PHEX: variants seen among roughly 807,000 people sequenced by gnomAD.
PHEX encodes phosphate regulating endopeptidase X-linked.
PHEX carries 16 observed loss-of-function variants against 68.0 expected under a neutral mutation model. The ratio of observed to expected loss-of-function variants is 0.24; its 90% CI spans 0.16 to 0.36. The LOEUF (loss-of-function observed/expected upper bound fraction) is 0.36, where lower values mean the gene tolerates loss of function less well. Among genes scored for constraint, PHEX ranks in the 10% least tolerant of loss-of-function variants. The probability of loss-of-function intolerance (pLI) is 1.00; values close to 1 mark genes in which losing one functional copy is unlikely to be tolerated. For missense variants in PHEX, 480 were observed against 575.5 expected (o/e 0.83, Z 1.70); for synonymous variants, 208 against 205.1 (o/e 1.01, Z -0.12).
chrX:22,059,087 G>T (rs946899240), intron 3 of PHEX, among the ~76,000 whole-genome samples: 5 of 111,706 alleles, frequency 4.5e-5, no homozygotes, highest in Non-Finnish European at 9.4e-5. Context: ...TTACAGGTGT[G>T]AGCCAGCGTG....
rs1193911179 is a variant in PHEX, at chrX:22,178,327, T to C, written c.1537T>C (p.Leu513=). Residue 513 remains leucine, a synonymous_variant, in exon 14 of 22, where the codon TTA becomes CTA. Coordinates refer to ENST00000379374, the MANE Select transcript of PHEX (RefSeq NM_000444.6). The part of the protein sequence containing the change: ...FGNVLQTRKY[L]AQSDFFWLRK... ...CAACGTCCTACAAACTCGCAAGTAT[T>C]TAGCACAGTCTGATTTCTTCTGGCT... 5.0e-6 allele frequency: 6 copies of C among 1,203,992 alleles called. No homozygotes were observed. The South Asian group carries it at 1.1e-4, about 21-fold the overall frequency.
intron 11 of PHEX, among the ~76,000 whole-genome samples, chrX:22,117,393 G>C (rs1381691178): frequency 8.9e-6 from 1 of 111,852 alleles, no homozygotes; most frequent in Non-Finnish European, 1.9e-5. Context: ...CTTTATGTTT[G>C]AACCTGAAAG....
chrX:22,055,925 G>A (rs1455224102), intron 3 of PHEX, among the ~76,000 whole-genome samples: 1 of 111,419 alleles, frequency 9.0e-6, no homozygotes, highest in Admixed American at 9.6e-5. Flanking sequence ...TTTGACTCTT[G>A]TCTGCTCTAA....
At chrX:22,137,985 T>C in intron 12 of PHEX, among the ~76,000 whole-genome samples, 1 of 112,495 alleles carries the variant, frequency 8.9e-6, no homozygotes, top group Non-Finnish European at 1.9e-5. Flanking sequence ...CTCATCCCTC[T>C]AGTGCGTGTT....
chrX:22,209,267 C>T (rs1249330696), intron 15 of PHEX, among the ~76,000 whole-genome samples: 3 of 111,128 alleles, frequency 2.7e-5, no homozygotes, highest in South Asian at 7.6e-4. Flanking sequence ...TTCTGCTTTT[C>T]CCTAGCATTT....
chrX:22,077,408 C>T (rs1000308958), intron 4 of PHEX, 68 bp from the exon 5 acceptor site: 1 of 924,509 alleles, frequency 1.1e-6, no homozygotes, highest in Admixed American at 2.2e-5. Flanking sequence ...TGAGAAGATG[C>T]ACTTAAATTC....
intron 16 of PHEX, among the ~76,000 whole-genome samples, 172 bp downstream of exon 16, chrX:22,213,130 A>AG (rs1934985053): frequency 1.1e-5 from 1 of 88,501 alleles, no homozygotes; most frequent in Non-Finnish European, 2.3e-5. Context: ...GATCCTTGTT[A>AG]CCAGGGTGTA....
chrX:22,174,119 C>T (rs767855916), intron 13 of PHEX, among the ~76,000 whole-genome samples: 17 of 111,532 alleles, frequency 1.5e-4, no homozygotes, highest in Non-Finnish European at 2.6e-4. Flanking sequence ...ATTTTATGAT[C>T]GGGACAGCTG....
At chrX:22,243,926 T>C (rs1366639576) in intron 20 of PHEX, among the ~76,000 whole-genome samples, 1 of 111,903 alleles carries the variant, frequency 8.9e-6, no homozygotes, top group Non-Finnish European at 1.9e-5. Context: ...GCAATCCCAT[T>C]ACTGGGTATA....
rs140833676 is a variant in PHEX at position 22,075,826 on chromosome X, C to A, written c.350-562C>A. On this transcript the variant is annotated intron_variant, in intron 3 of 21. Transcript: ENST00000379374. ...TAAACGGGCAAGTTTTCAGGCAATT[C>A]GGGTAGGTTTTCCAATCTTGTCTTT... Among the ~76,000 whole-genome samples the A allele has an allele frequency of 1.3e-3, 150 of 111,722 alleles. 1 individual carries two copies. Among genetic ancestry groups the A allele is most frequent in the Middle Eastern group, 4.6e-3 (1 of 218 alleles).
At chrX:22,148,967 T>G (rs1382788389) in intron 12 of PHEX, among the ~76,000 whole-genome samples, 1 of 111,781 alleles carries the variant, frequency 8.9e-6, no homozygotes, top group Non-Finnish European at 1.9e-5. Context: ...AAATTCCTAC[T>G]AGGTTTTAGG....
chrX:22,053,227 A>G (rs185878797), intron 3 of PHEX, among the ~76,000 whole-genome samples: 2 of 112,123 alleles, frequency 1.8e-5, no homozygotes, highest in Non-Finnish European at 3.8e-5. Context: ...CTGTCAAGAT[A>G]TTTTTGCTCA....
intron 21 of PHEX, among the ~76,000 whole-genome samples, chrX:22,245,848 A>C (rs1936376143): frequency 8.9e-6 from 1 of 111,981 alleles, no homozygotes; most frequent in South Asian, 3.7e-4. Flanking sequence ...TTGTCTTAGG[A>C]AAGGATGAGA....
In PHEX at chrX:22,032,876, A is replaced by T. The variant is rs1191820034; in HGVS notation, c.-130A>T. On this transcript the variant is annotated 5_prime_UTR_variant, in exon 1 of 22. Coordinates refer to ENST00000379374, the MANE Select transcript of PHEX (RefSeq NM_000444.6). ...AAGGGTGGCGAGGGGAGATTTCCTGACGGCAGTTTCTTAAGCTGTCCATTA... is the reference window on the plus strand; with the variant it reads ...AAGGGTGGCGAGGGGAGATTTCCTGTCGGCAGTTTCTTAAGCTGTCCATTA... 1 of 550,534 alleles carries T rather than the reference A, an allele frequency of 1.8e-6. No individual in the cohort carries two copies. The highest frequency in any genetic ancestry group is 3.3e-5 in the East Asian group (1 of 30,090). The allele number at this position is 550,534 out of a possible 1,213,427, so 45.4% of individuals were successfully genotyped here. A position where few individuals can be genotyped will look rare whatever the true frequency, so the allele number is the denominator to read the frequency against.
chrX:22,132,091 C>T (rs1013115914), intron 11 of PHEX, among the ~76,000 whole-genome samples: 1 of 111,102 alleles, frequency 9.0e-6, no homozygotes, highest in Non-Finnish European at 1.9e-5. Context: ...TTTAGACCTA[C>T]CATTTTATTT....
chrX:22,096,275 G>T (rs894287344), intron 7 of PHEX, among the ~76,000 whole-genome samples: 1 of 112,587 alleles, frequency 8.9e-6, no homozygotes, highest in Middle Eastern at 4.2e-3. Context: ...CTGTTCTTAG[G>T]TTAAACATAG....
At chrX:22,068,749 TG>T (rs1928736284) in intron 3 of PHEX, among the ~76,000 whole-genome samples, 1 of 112,262 alleles carries the variant, frequency 8.9e-6, no homozygotes, top group Non-Finnish European at 1.9e-5. Flanking sequence ...TACTGGTCCT[TG>T]GATGTCTTAG....
intron 12 of PHEX, among the ~76,000 whole-genome samples, chrX:22,167,936 G>C (rs1002876342): frequency 9.0e-6 from 1 of 111,475 alleles, no homozygotes; most frequent in Admixed American, 9.6e-5. Context: ...TCTTCTCCTG[G>C]AATGTTCTTC....
chrX:22,097,632 C>T (rs964473915), intron 8 of PHEX: 3 of 351,515 alleles, frequency 8.5e-6, no homozygotes, highest in East Asian at 2.1e-4. Context: ...ACTGGTTTTC[C>T]GTTTCAACAG....
Sources: gnomAD v4.1 joint callset for allele counts (sites outside exome capture counted in the v4.1 genomes callset) on GRCh38, gnomAD v4.1.1 for gene constraint, MANE v1.5 for transcripts, NCBI Gene and HGNC (gene_info 2026-07-23, HGNC 2026-07-21) for gene names.